The following NEK1 variants were observed in gnomAD, a reference collection of about 807,000 sequenced individuals.
NEK1 encodes serine/threonine-protein kinase Nek1.
NEK1 carries 137 observed loss-of-function variants against 182.1 expected under a neutral mutation model. That is an observed-to-expected ratio of 0.75 (90% CI 0.65 to 0.87). The LOEUF (loss-of-function observed/expected upper bound fraction) is 0.87, where lower values mean the gene tolerates loss of function less well. NEK1 is among the 40% of genes least tolerant of loss of function. The pLI is 0.00. For missense variants in NEK1, 1,391 were observed against 1,494.4 expected, an observed-to-expected ratio of 0.93 and a Z score of 1.14; for synonymous variants, 513 against 492.2, an observed-to-expected ratio of 1.04 and a Z score of -0.56.
chr4:169,604,960 T>A (rs976786061), intron 2 of NEK1, among the ~76,000 whole-genome samples: 10 of 152,228 alleles, frequency 6.6e-5, no homozygotes, highest in African/African-American at 2.4e-4. Context: ...ATAATGGCTA[T>A]CTGGGCACCA....
chr4:169,468,816 G>A (rs1297467130), intron 26 of NEK1, among the ~76,000 whole-genome samples: 1 of 152,098 alleles, frequency 6.6e-6, no homozygotes, highest in Non-Finnish European at 1.5e-5. Context: ...TCTATTTTCA[G>A]GGATTCGACT....
At chr4:169,441,921 G>A (rs539709102) in intron 27 of NEK1, among the ~76,000 whole-genome samples, 132 of 152,114 alleles carry the variant, frequency 8.7e-4, no homozygotes, top group African/African-American at 3.0e-3. Context: ...ACCTCTGTCC[G>A]CCACCACAGA....
At chr4:169,542,756 A>G (rs905755754) in intron 18 of NEK1, among the ~76,000 whole-genome samples, 4 of 147,556 alleles carry the variant, frequency 2.7e-5, no homozygotes, top group African/African-American at 1.0e-4. Flanking sequence ...AGTGATGAAG[A>G]GCTTTTTTTT....
intron 16 of NEK1, among the ~76,000 whole-genome samples, chr4:169,559,498 TATG>T (rs1211950003): frequency 2.6e-5 from 4 of 152,328 alleles, no homozygotes; most frequent in East Asian, 1.9e-4. Context: ...GAATTATTAC[TATG>T]ATATGAAGAA....
At chr4:169,561,451 G>C in intron 16 of NEK1, 29 bp downstream of exon 16, 1 of 1,587,276 alleles carries the variant, frequency 6.3e-7, no homozygotes, top group Non-Finnish European at 8.7e-7. Flanking sequence ...GAAAATGGTA[G>C]TATAACCATA....
chr4:169,479,261 T>A (rs765506007), intron 24 of NEK1, 142 bp downstream of exon 24: 1 of 756,240 alleles, frequency 1.3e-6, no homozygotes, highest in Non-Finnish European at 2.0e-6. Context: ...GTATTCTGAG[T>A]AAACTAAAAT....
chr4:169,438,320 T>C (rs1186795084), intron 27 of NEK1, 61 bp from the exon 28 acceptor site: 21 of 1,332,944 alleles, frequency 1.6e-5, no homozygotes, highest in Admixed American at 2.4e-5. Flanking sequence ...TTATCTGTAA[T>C]GGCATTGGGG....
At chr4:169,541,697 T>C (rs772299183) in intron 18 of NEK1, among the ~76,000 whole-genome samples, 4 of 152,122 alleles carry the variant, frequency 2.6e-5, no homozygotes, top group Non-Finnish European at 5.9e-5. Flanking sequence ...CAGTGACCAC[T>C]AAACAGTACA....
intron 18 of NEK1, 160 bp downstream of exon 18, chr4:169,555,560 A>G: frequency 1.2e-6 from 1 of 827,940 alleles, no homozygotes; most frequent in Non-Finnish European, 2.0e-6. Flanking sequence ...AGAGTAATCA[A>G]GGGCCAAATT....
rs564756893 is a variant in NEK1 at position 169,604,697 on chromosome 4, A to T, written c.-48-2019T>A. Among the ~76,000 whole-genome samples, 6 of 152,156 alleles carry T rather than the reference A, an allele frequency of 3.9e-5. No homozygotes were observed. In the East Asian group the frequency reaches 1.2e-3, roughly 29 times the overall value. ...ATGATCCAATCTCCTTAAATGACAA[A>T]CATCATATGCTGTGCCTACAAGACC... On this transcript the variant is annotated intron_variant, in intron 2 of 35. Transcript: ENST00000507142.
At chr4:169,548,327 T>G (rs949950178) in intron 18 of NEK1, among the ~76,000 whole-genome samples, 4 of 152,232 alleles carry the variant, frequency 2.6e-5, no homozygotes, top group Non-Finnish European at 5.9e-5. Context: ...TGCCTGTTCC[T>G]TCCTCTGGAA....
intron 28 of NEK1, among the ~76,000 whole-genome samples, chr4:169,437,044 C>T (rs138522692): frequency 6.2e-4 from 95 of 152,228 alleles, no homozygotes; most frequent in African/African-American, 2.2e-3. Context: ...AAGAGAAGAG[C>T]CCTTGAGCAC....
intron 12 of NEK1, among the ~76,000 whole-genome samples, chr4:169,569,429 TCTCCCTCTCCCTCTCTCC>T (rs1764256738): frequency 6.7e-6 from 1 of 149,960 alleles, no homozygotes; most frequent in Non-Finnish European, 1.5e-5. Flanking sequence ...GCTCTCTCCC[TCTCCCTCTCCCTCTCTCC>T]CTCCCTCCCT....
intron 31 of NEK1, among the ~76,000 whole-genome samples, chr4:169,407,577 T>A (rs1296359530): frequency 6.6e-6 from 1 of 152,164 alleles, no homozygotes; most frequent in African/African-American, 2.4e-5. Flanking sequence ...AAAATGTGAA[T>A]CCGTACTGGA....
intron 23 of NEK1, among the ~76,000 whole-genome samples, chr4:169,482,503 G>A (rs1218599173): frequency 1.3e-5 from 2 of 150,078 alleles, no homozygotes; most frequent in African/African-American, 2.5e-5. Context: ...TTAGAGACAG[G>A]TTCTCACTAT....
chr4:169,546,883 G>A (rs1334723902), intron 18 of NEK1, among the ~76,000 whole-genome samples: 2 of 152,160 alleles, frequency 1.3e-5, no homozygotes, highest in Non-Finnish European at 2.9e-5. Flanking sequence ...CACATGAGAT[G>A]GGTCTCCTGA....
chr4:169,515,020 G>A (rs557768667), intron 19 of NEK1, among the ~76,000 whole-genome samples: 6 of 152,088 alleles, frequency 3.9e-5, no homozygotes, highest in South Asian at 2.1e-4. Context: ...ATTTTTGTGC[G>A]TTGTGTGTCT....
At position 169,433,583 on chromosome 4, in the gene NEK1, A is replaced by G. The variant is rs775000845; in HGVS notation, c.2847T>C (p.Asp949=). 3 of 1,613,258 alleles carry G rather than the reference A, an allele frequency of 1.9e-6. No individual in the cohort carries two copies. The highest frequency in any genetic ancestry group is 1.1e-5 in the South Asian group (1 of 90,916). ...TTTCTTTTTCCTCACTAATCCACAC[A>G]TCAGTAATAGTGCATGGCAAGCTCT... ...KDESLPCTIT[D]VWISEEKETK... Residue 949 remains aspartate, a synonymous_variant, in exon 29 of 36, where the codon GAT becomes GAC. Coordinates refer to ENST00000507142, the MANE Select transcript of NEK1 (RefSeq NM_001199397.3).
intron 19 of NEK1, among the ~76,000 whole-genome samples, chr4:169,534,951 G>A (rs1157565077): frequency 1.3e-5 from 2 of 152,096 alleles, no homozygotes; most frequent in East Asian, 1.9e-4. Context: ...ATTATATTCC[G>A]TATGTTTAAC....
Sources: gnomAD v4.1 joint callset for allele counts (sites outside exome capture counted in the v4.1 genomes callset) on GRCh38, gnomAD v4.1.1 for gene constraint, MANE v1.5 for transcripts, NCBI Gene and HGNC (gene_info 2026-07-23, HGNC 2026-07-21) for gene names.